Variants in ABCA12 observed in about 807,000 individuals in gnomAD.
The protein encoded by ABCA12 is glucosylceramide transporter ABCA12.
A neutral mutation model predicts 293.5 loss-of-function variants in ABCA12; 156 were observed. That is an observed-to-expected ratio of 0.53 (90% confidence interval 0.47 to 0.61). ABCA12 has a LOEUF of 0.61. Ranked by LOEUF, ABCA12 falls within the 20% of genes least tolerant of loss-of-function variation. ABCA12 has a pLI of 0.00. For synonymous variants in ABCA12, 1,063 were observed against 1,108.0 expected (o/e 0.96, Z 0.81); for missense variants, 2,797 against 3,090.2 (o/e 0.91, Z 2.25).
At chr2:214,948,527 G>C in intron 47 of ABCA12, 69 bp downstream of exon 47, 1 of 1,531,646 alleles carries the variant, frequency 6.5e-7, no homozygotes, top group Non-Finnish European at 8.9e-7. Context: ...AGTGGGTGTG[G>C]TGGGGTGGGG....
intron 31 of ABCA12, among the ~76,000 whole-genome samples, chr2:214,979,546 A>T (rs945228829): frequency 4.5e-4 from 68 of 151,850 alleles, no homozygotes; most frequent in Admixed American, 2.4e-3. Context: ...AATAAATATT[A>T]AAAAATTTAC....
At chr2:215,041,260 G>T (rs1427954142) in intron 7 of ABCA12, among the ~76,000 whole-genome samples, 2 of 152,120 alleles carry the variant, frequency 1.3e-5, no homozygotes, top group East Asian at 1.9e-4. Context: ...TTTACCAAAA[G>T]AATACAAAAT....
intron 37 of ABCA12, among the ~76,000 whole-genome samples, chr2:214,969,641 T>C (rs946691994): frequency 1.3e-5 from 2 of 152,160 alleles, no homozygotes; most frequent in Admixed American, 6.6e-5. Context: ...CACCAAAATA[T>C]CAATAGTGCT....
intron 39 of ABCA12, among the ~76,000 whole-genome samples, chr2:214,965,447 A>G (rs1273686712): frequency 6.6e-6 from 1 of 152,194 alleles, no homozygotes; most frequent in East Asian, 1.9e-4. Flanking sequence ...TGAACAGACA[A>G]CCTACAGAAT....
Position 214,968,714 on chromosome 2 carries a change from ATT to A in ABCA12, c.5778+4_5778+5del, listed in dbSNP as rs777341645. 3 of 1,612,814 alleles carry A rather than the reference ATT, an allele frequency of 1.9e-6. No individual in the cohort carries two copies. The Admixed American group carries it at 5.0e-5, about 27-fold the overall frequency. ...ATAACATTCCAGAAAAAAGATCAAA[ATT>A]TACCTTGGCAAGTGTTCTATTGGCA... On this transcript the variant is annotated splice_donor_5th_base_variant and intron_variant, in intron 38 of 52. Coordinates refer to ENST00000272895, the MANE Select transcript of ABCA12 (RefSeq NM_173076.3).
Position 214,970,392 on chromosome 2 carries a change from A to G in ABCA12, c.5571T>C (p.Pro1857=). ...CSCSENVQEC[P]KFNYSPPHRR... is the part of the protein sequence containing the mutation. ...TGTGCGGTGGGGAATAGTTAAATTTAGGACATTCCTGGAAAATAAAGTTAA... is the reference window on the plus strand; with the variant it reads ...TGTGCGGTGGGGAATAGTTAAATTTGGGACATTCCTGGAAAATAAAGTTAA... The change falls in exon 37 of 53, where the codon CCT becomes CCC. Residue 1857 remains proline (P), a synonymous_variant. Transcript: ENST00000272895. 6.2e-7 allele frequency: 1 copy of G among 1,613,246 alleles called. No individual in the cohort carries two copies. Among genetic ancestry groups the G allele is most frequent in the African/African-American group, 1.3e-5 (1 of 75,000 alleles).
rs182658066 is a variant in ABCA12, at chr2:215,000,280, A to C, written c.3179+425T>G. On this transcript the variant is annotated intron_variant, in intron 22 of 52. Transcript: ENST00000272895. Reference sequence around the variant, plus strand: ...GTTTCTTTTATCAATTTGTTTTCTTAAAATTGATCATGCGCTCAGATTTTT... The same window carrying C: ...GTTTCTTTTATCAATTTGTTTTCTTCAAATTGATCATGCGCTCAGATTTTT... 1.3e-3 allele frequency among the ~76,000 whole-genome samples: 194 copies of C among 152,318 alleles called. 2 individuals are homozygous for C. Among genetic ancestry groups the C allele is most frequent in the African/African-American group, 4.4e-3 (183 of 41,574 alleles).
Position 214,976,010 on chromosome 2 carries a change from A to G in ABCA12, c.5156T>C (p.Leu1719Pro). The G allele has an allele frequency of 6.2e-7, 1 of 1,614,098 alleles. No homozygotes were observed. Among genetic ancestry groups the G allele is most frequent in the African/African-American group, 1.3e-5 (1 of 75,042 alleles). The change falls in exon 34 of 53, where the codon CTG (leucine) becomes CCG (proline). Residue 1719 changes from leucine (L) to proline (P), a missense_variant. Leu to Pro is a moderately conservative substitution (Grantham distance 98). This residue lies in a region of ABCA12 where 2,130 missense variants were observed against 2,427.0 expected (regional missense o/e 0.88). Transcript: ENST00000272895. ...CTTCAGCAACAGTCCAAAGCCATCCAGCCTCTCTCCTCTTGTCAGGATTTT... is the reference window on the plus strand; with the variant it reads ...CTTCAGCAACAGTCCAAAGCCATCCGGCCTCTCTCCTCTTGTCAGGATTTT... The part of the protein sequence containing the change: ...DDKILTRGER[L>P]DGFGLLLKKI...
chr2:215,056,559 T>C (rs954529627), intron 3 of ABCA12, among the ~76,000 whole-genome samples: 3 of 152,196 alleles, frequency 2.0e-5, no homozygotes, highest in African/African-American at 7.2e-5. Context: ...TCATGTGTGC[T>C]TTCCTCTTCC....
At chr2:215,039,786 G>A (rs1019010615) in intron 7 of ABCA12, among the ~76,000 whole-genome samples, 5 of 146,894 alleles carry the variant, frequency 3.4e-5, no homozygotes, top group African/African-American at 7.4e-5. Context: ...AAATAAATAA[G>A]TAAAAAGAAA....
intron 8 of ABCA12, among the ~76,000 whole-genome samples, chr2:215,035,162 T>C (rs1166438050): frequency 6.6e-6 from 1 of 152,218 alleles, no homozygotes; most frequent in Non-Finnish European, 1.5e-5. Context: ...GTTTTCAAAG[T>C]CTACAAAATT....
chr2:214,957,751 G>A (rs1698993402), intron 41 of ABCA12, among the ~76,000 whole-genome samples: 1 of 152,192 alleles, frequency 6.6e-6, no homozygotes, highest in Admixed American at 6.6e-5. Context: ...AAATGAGAGA[G>A]CTATCAATGA....
intron 1 of ABCA12, among the ~76,000 whole-genome samples, chr2:215,121,359 T>G (rs942334011): frequency 1.3e-5 from 2 of 152,246 alleles, no homozygotes; most frequent in Non-Finnish European, 2.9e-5. Flanking sequence ...CTAGAACTTT[T>G]TATTGCAAAC....
chr2:215,097,937 C>T (rs920232787), intron 2 of ABCA12, among the ~76,000 whole-genome samples: 2 of 152,082 alleles, frequency 1.3e-5, no homozygotes, highest in East Asian at 3.9e-4. Flanking sequence ...ATGTAACCTG[C>T]ATAACAAAGT....
chr2:214,955,740 T>G lies in ABCA12; in HGVS notation c.6234-379A>C, dbSNP rs1698926918. Among the ~76,000 whole-genome samples, 2 of 152,170 alleles carry G rather than the reference T, an allele frequency of 1.3e-5. 1 individual carries two copies. Among genetic ancestry groups the G allele is most frequent in the South Asian group, 4.1e-4 (2 of 4,830 alleles). Reference sequence around the variant, plus strand: ...GGGCTTCCAAAGTAAAAATAACCATTAGGGATGAGTTGTCAAGCCTTCTAA... The same window carrying G: ...GGGCTTCCAAAGTAAAAATAACCATGAGGGATGAGTTGTCAAGCCTTCTAA... On this transcript the variant is annotated intron_variant, in intron 42 of 52. Transcript: ENST00000272895.
Position 214,955,119 on chromosome 2 carries a change from C to G in ABCA12, c.6393+83G>C, listed in dbSNP as rs78835462. On this transcript the variant is annotated intron_variant, in intron 43 of 52. Coordinates refer to ENST00000272895, the MANE Select transcript of ABCA12 (RefSeq NM_173076.3). ...TTTAATAGAATCAAATGATATTCTT[C>G]TTTTTTATGTAGAATAAATAAAATC... The G allele has an allele frequency of 8.6e-4, 1,306 of 1,510,678 alleles. 10 individuals carry two copies. In the East Asian group the frequency reaches 0.018, roughly 21 times the overall value. 93.6% of individuals were successfully genotyped at this position (1,510,678 alleles called of 1,614,324 possible).
chr2:215,095,177 G>A (rs1254238021), intron 2 of ABCA12, among the ~76,000 whole-genome samples: 1 of 152,082 alleles, frequency 6.6e-6, no homozygotes, highest in African/African-American at 2.4e-5. Flanking sequence ...ATTTTTAAAT[G>A]AAGAGTGTTG....
rs1303837266 is a variant in ABCA12 at position 215,064,622 on chromosome 2, T to C, written c.164-403A>G. ...TGTCAATTAATACAAAAAGTGTTTATGACACATTGTTAGTTTAAAAGAACA... is the reference window on the plus strand; with the variant it reads ...TGTCAATTAATACAAAAAGTGTTTACGACACATTGTTAGTTTAAAAGAACA... On this transcript the variant is annotated intron_variant, in intron 2 of 52. Coordinates refer to ENST00000272895, the MANE Select transcript of ABCA12 (RefSeq NM_173076.3). 2.6e-5 allele frequency among the ~76,000 whole-genome samples: 4 copies of C among 151,894 alleles called. 1 individual carries two copies. The highest frequency in any genetic ancestry group is 9.7e-5 in the African/African-American group (4 of 41,432).
Position 215,062,221 on chromosome 2 carries a change from A to G in ABCA12, c.317+1845T>C, listed in dbSNP as rs1701542482. On this transcript the variant is annotated intron_variant, in intron 3 of 52. Transcript: ENST00000272895. Reference sequence around the variant, plus strand: ...TTCCCTCCGCTGCTAGAACATCAGCATACATTATTCCTAATTCATCACTCA... The same window carrying G: ...TTCCCTCCGCTGCTAGAACATCAGCGTACATTATTCCTAATTCATCACTCA... 2.0e-5 allele frequency among the ~76,000 whole-genome samples: 3 copies of G among 152,158 alleles called. No individual in the cohort carries two copies. In the South Asian group the frequency reaches 6.2e-4, roughly 32 times the overall value.
Sources: gnomAD v4.1 joint callset for allele counts (sites outside exome capture counted in the v4.1 genomes callset) on GRCh38, gnomAD v4.1.1 for gene constraint, gnomAD v4.1.1 regional missense constraint, MANE v1.5 for transcripts, NCBI Gene and HGNC (gene_info 2026-07-23, HGNC 2026-07-21) for gene names.